Variants in DLG2 observed in about 807,000 individuals in gnomAD.
DLG2 encodes discs large MAGUK scaffold protein 2.
A neutral mutation model predicts 132.5 loss-of-function variants in DLG2; 45 were observed. The observed-to-expected ratio is 0.34, with a 90% CI of 0.27 to 0.44. The LOEUF (loss-of-function observed/expected upper bound fraction) is 0.44, where lower values mean the gene tolerates loss of function less well. DLG2 is among the 20% of genes least tolerant of loss of function. The pLI is 1.00. For missense variants in DLG2, 1,045 were observed against 1,196.9 expected (o/e 0.87, Z 1.87); for synonymous variants, 424 against 419.6 (o/e 1.01, Z -0.13).
At chr11:85,052,749 C>T (rs983840585) in intron 6 of DLG2, among the ~76,000 whole-genome samples, 4 of 152,104 alleles carry the variant, frequency 2.6e-5, no homozygotes, top group African/African-American at 9.7e-5. Flanking sequence ...CAAGCCTTCC[C>T]GTTATTTTAT....
chr11:83,945,991 C>CTT (rs1163812479), intron 14 of DLG2, among the ~76,000 whole-genome samples: 102 of 116,476 alleles, frequency 8.8e-4, no homozygotes, highest in African/African-American at 3.6e-3. Flanking sequence ...TTCTCTCTCT[C>CTT]TCTTTTTTTT....
chr11:84,794,891 C>T (rs2153946381), intron 6 of DLG2, among the ~76,000 whole-genome samples: 2 of 152,296 alleles, frequency 1.3e-5, no homozygotes, highest in East Asian at 1.9e-4. Flanking sequence ...AGCCTGCAGG[C>T]ACCGCTTGGC....
chr11:84,795,964 C>T (rs899169820), intron 6 of DLG2, among the ~76,000 whole-genome samples: 6 of 152,202 alleles, frequency 3.9e-5, no homozygotes, highest in African/African-American at 1.4e-4. Flanking sequence ...GCCTGGACCC[C>T]ATGCTCACTT....
intron 6 of DLG2, among the ~76,000 whole-genome samples, chr11:85,026,582 A>T (rs908338161): frequency 2.0e-5 from 3 of 152,142 alleles, no homozygotes; most frequent in African/African-American, 7.2e-5. Flanking sequence ...TCACACCTAT[A>T]ATCCCAGCAC....
intron 19 of DLG2, among the ~76,000 whole-genome samples, chr11:83,567,828 C>A (rs145389056): frequency 4.6e-5 from 7 of 152,074 alleles, no homozygotes; most frequent in African/African-American, 1.7e-4. Context: ...GGAATTCAGT[C>A]CAGCTAGATA....
intron 3 of DLG2, among the ~76,000 whole-genome samples, chr11:85,442,480 G>A (rs1291547283): frequency 6.6e-6 from 1 of 152,176 alleles, no homozygotes; most frequent in Non-Finnish European, 1.5e-5. Context: ...ACTCATCAGA[G>A]TTTAGCATGA....
chr11:84,655,870 T>C (rs2099687630), intron 6 of DLG2, among the ~76,000 whole-genome samples: 2 of 152,186 alleles, frequency 1.3e-5, no homozygotes. Flanking sequence ...TGCAAATGTT[T>C]CATTAGCCTG....
intron 22 of DLG2, among the ~76,000 whole-genome samples, chr11:83,474,456 C>T (rs1185069884): frequency 3.9e-5 from 6 of 152,172 alleles, no homozygotes; most frequent in Non-Finnish European, 7.4e-5. Context: ...ATAGAAGCAT[C>T]GTAGACTAAC....
intron 6 of DLG2, among the ~76,000 whole-genome samples, chr11:84,654,061 A>G (rs2099685257): frequency 6.6e-6 from 1 of 152,140 alleles, no homozygotes; most frequent in Admixed American, 6.5e-5. Context: ...GGTGTCTTAT[A>G]ACATTAATAT....
At chr11:84,846,372 G>A (rs1035974566) in intron 6 of DLG2, among the ~76,000 whole-genome samples, 6 of 151,938 alleles carry the variant, frequency 3.9e-5, no homozygotes, top group Admixed American at 1.3e-4. Flanking sequence ...TGTTACATAC[G>A]CCTGTAAACT....
chr11:84,592,818 C>A (rs1489909078), intron 6 of DLG2, among the ~76,000 whole-genome samples: 3 of 150,560 alleles, frequency 2.0e-5, no homozygotes, highest in Admixed American at 6.6e-5. Context: ...AGGAAACAGG[C>A]CAGTAACAGG....
chr11:83,990,572 T>C (rs746484914), intron 11 of DLG2, among the ~76,000 whole-genome samples: 12 of 152,106 alleles, frequency 7.9e-5, no homozygotes, highest in Non-Finnish European at 1.8e-4. Context: ...CAGCAGAGAT[T>C]GATACTGTGC....
rs900964410 is a variant in DLG2, at chr11:84,204,182, C to T, written c.574-40671G>A. Among the ~76,000 whole-genome samples the T allele has an allele frequency of 2.0e-5, 3 of 152,302 alleles. No individual in the cohort carries two copies. In the South Asian group the frequency reaches 6.2e-4, roughly 32 times the overall value. ...ATGTTTGTCAGGCTGGTCTCGAACT[C>T]CCGACCTCAGGTGATCCGCCCACCT... On this transcript the variant is annotated intron_variant, in intron 8 of 27. Transcript: ENST00000376104.
chr11:83,472,670 A>G (rs768833893), intron 23 of DLG2, 57 bp downstream of exon 23: 7 of 1,497,150 alleles, frequency 4.7e-6, no homozygotes, highest in African/African-American at 4.2e-5. Context: ...CCCTCCTTCA[A>G]TGATGTCACC....
At chr11:84,146,477 T>C (rs968424063) in intron 9 of DLG2, among the ~76,000 whole-genome samples, 4 of 151,946 alleles carry the variant, frequency 2.6e-5, no homozygotes, top group Non-Finnish European at 5.9e-5. Flanking sequence ...ACACCTACTA[T>C]GTACCAACAG....
At chr11:84,085,955 CT>C (rs1346131428) in intron 10 of DLG2, among the ~76,000 whole-genome samples, 1 of 152,102 alleles carries the variant, frequency 6.6e-6, no homozygotes, top group Non-Finnish European at 1.5e-5. Flanking sequence ...TTGGTTTTGA[CT>C]TTTGAAAACA....
chr11:84,014,843 T>C (rs1363384137), intron 11 of DLG2, among the ~76,000 whole-genome samples: 2 of 152,040 alleles, frequency 1.3e-5, no homozygotes, highest in Non-Finnish European at 2.9e-5. Context: ...AGACTTTTTT[T>C]TTTTTCTGTA....
intron 7 of DLG2, among the ~76,000 whole-genome samples, chr11:84,357,049 G>A (rs1054709906): frequency 3.9e-5 from 6 of 151,982 alleles, no homozygotes; most frequent in Non-Finnish European, 7.4e-5. Context: ...AAGAGGCGAG[G>A]TAGGAGAGGT....
intron 5 of DLG2, chr11:85,133,253 CCTTT>C (rs1444140733): frequency 1.3e-5 from 2 of 157,272 alleles, no homozygotes; most frequent in African/African-American, 4.8e-5. Context: ...TTGTTGCCTT[CCTTT>C]CTTACTAACA....
Sources: allele counts gnomAD v4.1 joint callset (sites outside exome capture counted in the v4.1 genomes callset), GRCh38; gene constraint gnomAD v4.1.1; transcripts MANE v1.5; gene names NCBI Gene and HGNC (gene_info 2026-07-23, HGNC 2026-07-21).